Variants in CAST observed in about 807,000 individuals in gnomAD.
The protein encoded by CAST is MIR583 host.
A neutral mutation model predicts 119.6 loss-of-function variants in CAST; 76 were observed. The observed-to-expected ratio is 0.64, with a 90% CI of 0.53 to 0.77. The LOEUF (loss-of-function observed/expected upper bound fraction) is 0.77, where lower values mean the gene tolerates loss of function less well. Among genes scored for constraint, CAST ranks in the 30% least tolerant of loss-of-function variants. CAST has a pLI of 0.00. For missense variants in CAST, 953 were observed against 946.5 expected (o/e 1.01, Z -0.09); for synonymous variants, 319 against 331.6 (o/e 0.96, Z 0.41).
At chr5:96,321,146 C>T in the CAST span, among the ~76,000 whole-genome samples, 8 of 152,188 alleles carry the variant, frequency 5.3e-5, no homozygotes, top group African/African-American at 1.9e-4. Flanking sequence ...TAGAGCTCCA[C>T]CTCGGCCCTA....
chr5:95,965,604 T>C, the CAST span, among the ~76,000 whole-genome samples: 1 of 152,230 alleles, frequency 6.6e-6, no homozygotes, highest in South Asian at 2.1e-4. Context: ...AGAAAATCTT[T>C]CCCTTTTAAA....
At chr5:96,696,193 C>A (rs1243540079) in intron 3 of CAST, 1 of 189,370 alleles carries the variant, frequency 5.3e-6, no homozygotes, top group Non-Finnish European at 1.1e-5. Context: ...AACTTTTGAA[C>A]ATACTGTGAG....
the CAST span, among the ~76,000 whole-genome samples, chr5:96,138,919 T>C: frequency 1.3e-5 from 2 of 152,116 alleles, no homozygotes; most frequent in Non-Finnish European, 2.9e-5. Flanking sequence ...TTTTATTTCC[T>C]ATTTTTGTCT....
chr5:96,397,424 G>C, the CAST span: 21 of 1,612,250 alleles, frequency 1.3e-5, no homozygotes, highest in Non-Finnish European at 1.8e-5. Context: ...AAAGCCATTA[G>C]GAGATGTATC....
At chr5:96,215,582 A>G in the CAST span, 3 of 152,156 alleles carry the variant, frequency 2.0e-5, no homozygotes, top group Non-Finnish European at 2.9e-5. Flanking sequence ...CCACTTATAC[A>G]TGGATTTTTT....
intron 1 of CAST, among the ~76,000 whole-genome samples, chr5:96,638,586 A>G (rs1052790051): frequency 6.6e-6 from 1 of 152,194 alleles, no homozygotes; most frequent in Non-Finnish European, 1.5e-5. Context: ...GGTTAGGGTT[A>G]CACAAGGCAG....
chr5:96,566,558 G>A (rs1018657775), intron 1 of CAST, among the ~76,000 whole-genome samples: 1 of 152,296 alleles, frequency 6.6e-6, no homozygotes, highest in African/African-American at 2.4e-5. Context: ...CTGAAGACAA[G>A]GTCTGAGAGG....
At chr5:96,420,396 C>T in the CAST span, among the ~76,000 whole-genome samples, 31 of 152,282 alleles carry the variant, frequency 2.0e-4, no homozygotes, top group East Asian at 3.3e-3. Context: ...TGTAAGCTCT[C>T]GAAACACTCC....
rs150700534 is a variant in CAST, at chr5:96,631,822, G to A, written c.61-43717G>A. Among the ~76,000 whole-genome samples the A allele has an allele frequency of 2.0e-4, 31 of 152,236 alleles. 2 individuals are homozygous for A. In the East Asian group the frequency reaches 5.8e-3, roughly 29 times the overall value. ...GCTGGGATTACAGGCGTGAGCCACT[G>A]CGCCCGACTGCTTGTTTTCATTCTC... On this transcript the variant is annotated intron_variant, in intron 1 of 11. Transcript: ENST00000505143.
At chr5:96,706,291 G>A (rs1354099518) in intron 3 of CAST, among the ~76,000 whole-genome samples, 1 of 152,162 alleles carries the variant, frequency 6.6e-6, no homozygotes, top group Non-Finnish European at 1.5e-5. Context: ...AAATATATGA[G>A]CAAGGAACCC....
the CAST span, among the ~76,000 whole-genome samples, chr5:96,236,111 G>GTCTGTCTGTCTATCTA: frequency 2.0e-5 from 3 of 151,654 alleles, no homozygotes; most frequent in African/African-American, 4.8e-5. Context: ...CTGTCTGTCT[G>GTCTGTCTGTCTATCTA]TCTATCTATC....
chr5:96,197,125 C>G, the CAST span, among the ~76,000 whole-genome samples: 1 of 152,180 alleles, frequency 6.6e-6, no homozygotes, highest in African/African-American at 2.4e-5. Context: ...GCCACTGCCT[C>G]CTTGAGCTCA....
the CAST span, among the ~76,000 whole-genome samples, chr5:96,427,336 G>C: frequency 9.7e-3 from 1,475 of 152,264 alleles, 30 homozygotes; most frequent in African/African-American, 0.034. Context: ...CTCTAGAAGA[G>C]CAGGCTGAAT....
At chr5:96,155,985 A>G in the CAST span, among the ~76,000 whole-genome samples, 1 of 152,248 alleles carries the variant, frequency 6.6e-6, no homozygotes, top group Non-Finnish European at 1.5e-5. Flanking sequence ...AGCAGAGGAC[A>G]GCAGCTATTC....
At chr5:96,473,737 G>A in the CAST span, among the ~76,000 whole-genome samples, 17 of 152,184 alleles carry the variant, frequency 1.1e-4, no homozygotes, top group African/African-American at 4.1e-4. Flanking sequence ...CCTGGTTTCC[G>A]AGAGACTTAG....
chr5:96,743,942 C>T lies in CAST; in HGVS notation c.1200+1186C>T, dbSNP rs139918398. Among the ~76,000 whole-genome samples, 1,066 of 152,166 alleles carry T rather than the reference C, an allele frequency of 7.0e-3. 4 individuals carry two copies. The highest frequency in any genetic ancestry group is 0.011 in the Non-Finnish European group (778 of 68,010). ...GGCCACAAGTATATTGCACTTCTGCCCCAAGCTTCTTACAGACACTTAAGG... is the reference window on the plus strand; with the variant it reads ...GGCCACAAGTATATTGCACTTCTGCTCCAAGCTTCTTACAGACACTTAAGG... On this transcript the variant is annotated intron_variant, in intron 16 of 31. Coordinates refer to ENST00000675179, the MANE Select transcript of CAST (RefSeq NM_001750.7).
At position 96,694,747 on chromosome 5, in the gene CAST, C is replaced by A. The variant is rs577638594; in HGVS notation, c.139-1089C>A. ...TATGAAGGTCTTGTTGAGGAAGCAA[C>A]TGTGTATTTTACTTTTCCTTTTTCC... On this transcript the variant is annotated intron_variant, in intron 2 of 31. Coordinates refer to ENST00000675179, the MANE Select transcript of CAST (RefSeq NM_001750.7). 1.1e-4 allele frequency among the ~76,000 whole-genome samples: 17 copies of A among 152,238 alleles called. No individual in the cohort carries two copies. The East Asian group carries it at 2.5e-3, about 22-fold the overall frequency.
In CAST at chr5:96,742,433, C is replaced by T. The variant is rs937349983; in HGVS notation, c.1099-222C>T. On this transcript the variant is annotated intron_variant, in intron 15 of 31. Transcript: ENST00000675179. ...AAGGGGTGAAGTGTGCCCCAGAGAA[C>T]GCTGTTACTGTAGAAACGTGTCTTA... The T allele has an allele frequency of 5.1e-5, 26 of 514,094 alleles. 1 individual carries two copies. Among genetic ancestry groups the T allele is most frequent in the Middle Eastern group, 5.1e-4 (1 of 1,960 alleles). The allele number at this position is 514,094 out of a possible 1,614,324, so 31.8% of individuals were successfully genotyped here.
the CAST span, chr5:96,391,858 G>T: frequency 6.6e-6 from 1 of 152,088 alleles, no homozygotes; most frequent in Non-Finnish European, 1.5e-5. Flanking sequence ...TCTACCTGAG[G>T]GACAATTAAG....
Sources: gnomAD v4.1 joint callset for allele counts (sites outside exome capture counted in the v4.1 genomes callset) on GRCh38, gnomAD v4.1.1 for gene constraint, MANE v1.5 for transcripts, NCBI Gene and HGNC (gene_info 2026-07-23, HGNC 2026-07-21) for gene names.